PDE4D: variants seen among roughly 807,000 people sequenced by gnomAD.
The protein encoded by PDE4D is phosphodiesterase 4D.
In PDE4D, 24 loss-of-function variants were observed where a neutral mutation model predicts 87.4. That is an observed-to-expected ratio of 0.27 (90% CI 0.20 to 0.39). The LOEUF (loss-of-function observed/expected upper bound fraction) is 0.39. Among genes scored for constraint, PDE4D ranks in the 10% least tolerant of loss-of-function variants. The pLI is 1.00. For missense variants in PDE4D, 714 were observed against 1,041.0 expected (o/e 0.69, Z 4.32); for synonymous variants, 384 against 383.2 (o/e 1.00, Z -0.02).
At chr5:59,687,279 G>C (rs140486576) in intron 1 of PDE4D, among the ~76,000 whole-genome samples, 35 of 152,204 alleles carry the variant, frequency 2.3e-4, no homozygotes, top group Non-Finnish European at 1.2e-4. Flanking sequence ...ATAATTTTCA[G>C]ATTCACTAAA....
At chr5:58,996,958 A>G (rs1561265968) in intron 6 of PDE4D, among the ~76,000 whole-genome samples, 1 of 152,124 alleles carries the variant, frequency 6.6e-6, no homozygotes, top group Non-Finnish European at 1.5e-5. Context: ...AAACACAAAA[A>G]CATGGATTGG....
chr5:59,870,797 G>A (rs1268157251), intron 1 of PDE4D, among the ~76,000 whole-genome samples: 2 of 152,122 alleles, frequency 1.3e-5, no homozygotes, highest in African/African-American at 4.8e-5. Flanking sequence ...TGCTTTCTTG[G>A]CTACGAAAGG....
intron 1 of PDE4D, among the ~76,000 whole-genome samples, chr5:59,418,648 AT>A (rs568454055): frequency 1.4e-4 from 21 of 149,476 alleles, no homozygotes; most frequent in South Asian, 6.3e-4. Context: ...TTACCTAACA[AT>A]TTTTTTTTTG....
At chr5:60,050,116 G>A (rs1769923395) in intron 2 of PDE4D, among the ~76,000 whole-genome samples, 1 of 152,172 alleles carries the variant, frequency 6.6e-6, no homozygotes, top group Admixed American at 6.5e-5. Flanking sequence ...AGGTGGGAGT[G>A]ACCCAATTTT....
intron 5 of PDE4D, among the ~76,000 whole-genome samples, chr5:59,151,090 C>G (rs534922956): frequency 2.6e-5 from 4 of 152,258 alleles, no homozygotes; most frequent in African/African-American, 9.6e-5. Context: ...CACCTGTGTC[C>G]ATGTGAGAAT....
At chr5:59,629,946 A>G (rs967611030) in intron 1 of PDE4D, among the ~76,000 whole-genome samples, 1 of 152,178 alleles carries the variant, frequency 6.6e-6, no homozygotes, top group African/African-American at 2.4e-5. Context: ...TTATCTAAAT[A>G]CACTCACATC....
At chr5:59,492,804 C>A (rs575055042) in intron 1 of PDE4D, among the ~76,000 whole-genome samples, 28 of 152,096 alleles carry the variant, frequency 1.8e-4, no homozygotes, top group Non-Finnish European at 3.8e-4. Context: ...GGGTCTTTCT[C>A]GTGCTGTTCT....
intron 1 of PDE4D, among the ~76,000 whole-genome samples, chr5:59,312,013 C>T (rs976754336): frequency 6.6e-5 from 10 of 152,098 alleles, no homozygotes; most frequent in African/African-American, 2.4e-4. Flanking sequence ...GAGGGAGAAA[C>T]AGCCACCCCT....
intron 6 of PDE4D, among the ~76,000 whole-genome samples, chr5:59,010,402 T>G (rs1752545388): frequency 6.6e-6 from 1 of 152,184 alleles, no homozygotes; most frequent in African/African-American, 2.4e-5. Context: ...TATTTTATTT[T>G]TTTTTAATTC....
intron 1 of PDE4D, among the ~76,000 whole-genome samples, chr5:59,527,293 T>C (rs1430308285): frequency 6.6e-6 from 1 of 152,194 alleles, no homozygotes; most frequent in African/African-American, 2.4e-5. Flanking sequence ...GTACTAAACA[T>C]ACTTTTTATA....
chr5:59,614,592 T>C (rs570189235), intron 1 of PDE4D, among the ~76,000 whole-genome samples: 163 of 152,240 alleles, frequency 1.1e-3, no homozygotes, highest in African/African-American at 3.6e-3. Context: ...CTTTTAGAAA[T>C]GGAGAGAATA....
At chr5:59,297,284 A>T (rs1030815358) in intron 1 of PDE4D, among the ~76,000 whole-genome samples, 1 of 152,222 alleles carries the variant, frequency 6.6e-6, no homozygotes, top group Non-Finnish European at 1.5e-5. Context: ...GTGTCCTTCC[A>T]TGCAATACTA....
intron 1 of PDE4D, among the ~76,000 whole-genome samples, chr5:60,295,176 C>T (rs1753265486): frequency 6.6e-6 from 1 of 152,056 alleles, no homozygotes; most frequent in African/African-American, 2.4e-5. Context: ...TATTTATAAA[C>T]ATGATTAAAT....
chr5:60,135,640 TAGG>T (rs1197813546), intron 2 of PDE4D, among the ~76,000 whole-genome samples: 18 of 152,168 alleles, frequency 1.2e-4, no homozygotes, highest in Admixed American at 3.9e-4. Flanking sequence ...AGAAAGAAGT[TAGG>T]AGCCACTGGA....
At position 59,649,850 on chromosome 5, in the gene PDE4D, A is replaced by G. The variant is rs140905669; in HGVS notation, c.455+243318T>C. Among the ~76,000 whole-genome samples the G allele has an allele frequency of 5.4e-4, 81 of 148,902 alleles. 1 individual carries two copies. The East Asian group carries it at 0.016, about 29-fold the overall frequency. On this transcript the variant is annotated intron_variant, in intron 1 of 14. Transcript: ENST00000340635. ...ATAAAATAATCATTCAAAATCACCA[A>G]TTTGGGAAACAACAATCAACTATTA...
At chr5:59,632,519 C>T (rs1831705629) in intron 1 of PDE4D, among the ~76,000 whole-genome samples, 1 of 152,220 alleles carries the variant, frequency 6.6e-6, no homozygotes, top group African/African-American at 2.4e-5. Flanking sequence ...TTGGGTGCCC[C>T]TCTTGGACGA....
intron 1 of PDE4D, among the ~76,000 whole-genome samples, chr5:59,470,105 A>G (rs1802222903): frequency 6.6e-6 from 1 of 152,084 alleles, no homozygotes; most frequent in Non-Finnish European, 1.5e-5. Context: ...CAGTCTGCAC[A>G]CAGAGTTTTA....
chr5:59,553,599 A>G (rs540697807), intron 1 of PDE4D, among the ~76,000 whole-genome samples: 1 of 152,324 alleles, frequency 6.6e-6, no homozygotes, highest in Non-Finnish European at 1.5e-5. Context: ...CTCTAGATAT[A>G]GGGAGTTCTT....
chr5:59,906,969 G>A (rs1752892959), intron 3 of PDE4D, among the ~76,000 whole-genome samples: 1 of 152,078 alleles, frequency 6.6e-6, no homozygotes, highest in Non-Finnish European at 1.5e-5. Context: ...GCAAAGAGAT[G>A]GAATTAACCT....
Sources: gnomAD v4.1 joint callset for allele counts (sites outside exome capture counted in the v4.1 genomes callset) on GRCh38, gnomAD v4.1.1 for gene constraint, MANE v1.5 for transcripts, NCBI Gene and HGNC (gene_info 2026-07-23, HGNC 2026-07-21) for gene names.